The following SYNPR variants were observed in gnomAD, a reference collection of about 807,000 sequenced individuals.
SYNPR encodes the protein synaptoporin.
In SYNPR, 23 loss-of-function variants were observed where a neutral mutation model predicts 32.9. That is an observed-to-expected ratio of 0.70 (90% CI 0.50 to 0.99). The LOEUF (loss-of-function observed/expected upper bound fraction) is 0.99, where lower values mean the gene tolerates loss of function less well. SYNPR is among the 50% of genes least tolerant of loss of function. The pLI, the probability that SYNPR is intolerant of heterozygous loss-of-function variation, is 0.00. For missense variants in SYNPR, 318 were observed against 349.3 expected, an observed-to-expected ratio of 0.91 and a Z score of 0.71; for synonymous variants, 146 against 135.9, an observed-to-expected ratio of 1.07 and a Z score of -0.52.
At chr3:63,332,767 G>A (rs993311834) in intron 2 of SYNPR, among the ~76,000 whole-genome samples, 6 of 152,116 alleles carry the variant, frequency 3.9e-5, no homozygotes, top group East Asian at 1.9e-4. Flanking sequence ...ATTTGGTGAC[G>A]CATCAAGGAT....
chr3:63,292,262 T>C (rs1028070972), intron 2 of SYNPR, among the ~76,000 whole-genome samples: 1 of 152,232 alleles, frequency 6.6e-6, no homozygotes, highest in African/African-American at 2.4e-5. Context: ...TTTGGGGATA[T>C]AATGTGATAT....
rs1443590843 is a variant in SYNPR at position 63,278,384 on chromosome 3, C to T, written c.-150C>T. On this transcript the variant is annotated 5_prime_UTR_variant, in exon 1 of 6. Transcript: ENST00000478300. Reference sequence around the variant, plus strand: ...AGAGCCCAGCGTTAGCGGGTGGGCTCCCCGAGGCCCCCTGCCCTCGCCGGG... The same window carrying T: ...AGAGCCCAGCGTTAGCGGGTGGGCTTCCCGAGGCCCCCTGCCCTCGCCGGG... The T allele has an allele frequency of 2.9e-6, 3 of 1,029,990 alleles. No homozygotes were observed. The highest frequency in any genetic ancestry group is 1.9e-5 in the South Asian group (1 of 53,386). The allele number at this position is 1,029,990 out of a possible 1,614,324, so 63.8% of individuals were successfully genotyped here.
At chr3:63,372,408 G>A (rs2087827632) in intron 2 of SYNPR, among the ~76,000 whole-genome samples, 1 of 152,112 alleles carries the variant, frequency 6.6e-6, no homozygotes, top group Non-Finnish European at 1.5e-5. Context: ...CTCTGCCACT[G>A]CCACTGCAGC....
At chr3:63,297,699 C>A (rs1352175800) in intron 2 of SYNPR, among the ~76,000 whole-genome samples, 1 of 152,078 alleles carries the variant, frequency 6.6e-6, no homozygotes, top group African/African-American at 2.4e-5. Flanking sequence ...TCCTCAAGCA[C>A]TCAAAGGCTA....
chr3:63,473,234 C>G (rs554070129), intron 2 of SYNPR, among the ~76,000 whole-genome samples: 11 of 152,116 alleles, frequency 7.2e-5, no homozygotes, highest in Non-Finnish European at 1.5e-4. Flanking sequence ...ACAGCTATGT[C>G]CCCCTTCCCT....
intron 2 of SYNPR, among the ~76,000 whole-genome samples, chr3:63,457,879 A>T (rs1441695849): frequency 1.3e-5 from 2 of 152,134 alleles, no homozygotes; most frequent in Non-Finnish European, 2.9e-5. Context: ...GATGCTTTGG[A>T]TATTACTGAT....
At chr3:63,282,363 AATGAAT>A (rs1279318478) in intron 2 of SYNPR, among the ~76,000 whole-genome samples, 1 of 152,220 alleles carries the variant, frequency 6.6e-6, no homozygotes, top group Admixed American at 6.5e-5. Context: ...ACTGGATCTA[AATGAAT>A]ATGAAGTTCC....
the SYNPR span, among the ~76,000 whole-genome samples, chr3:63,220,636 C>T: frequency 6.6e-6 from 1 of 152,176 alleles, no homozygotes; most frequent in Non-Finnish European, 1.5e-5. Context: ...TTCTTCACTC[C>T]AGCAGATGCA....
intron 3 of SYNPR, among the ~76,000 whole-genome samples, chr3:63,272,576 A>G (rs2086545836): frequency 6.6e-6 from 1 of 150,402 alleles, no homozygotes; most frequent in Non-Finnish European, 1.5e-5. Context: ...TGAAAGTAAC[A>G]CTTGTTTTAT....
At position 63,341,360 on chromosome 3, in the gene SYNPR, G is replaced by C. The variant is rs997517229; in HGVS notation, c.84+62618G>C. Among the ~76,000 whole-genome samples, 4 of 152,140 alleles carry C rather than the reference G, an allele frequency of 2.6e-5. No individual in the cohort carries two copies. The East Asian group carries it at 7.7e-4, about 29-fold the overall frequency. On this transcript the variant is annotated intron_variant, in intron 2 of 5. Coordinates refer to ENST00000478300, the MANE Select transcript of SYNPR (RefSeq NM_001130003.2). ...GTGGACATAGTTTTCAACTCATTTAGGTAAACACATAGGGGTACAATTGCT... is the reference window on the plus strand; with the variant it reads ...GTGGACATAGTTTTCAACTCATTTACGTAAACACATAGGGGTACAATTGCT...
rs755249933 is a variant in SYNPR, at chr3:63,245,735, GTGTGTA to G, written n.67-6758_67-6753del. 4.4e-3 allele frequency among the ~76,000 whole-genome samples: 414 copies of G among 93,360 alleles called. 2 individuals carry two copies. Among genetic ancestry groups the G allele is most frequent in the African/African-American group, 9.0e-3 (219 of 24,436 alleles). The allele number at this position is 93,360 out of a possible 152,430, so 61.2% of individuals were successfully genotyped here. A position where few individuals can be genotyped will look rare whatever the true frequency, so the allele number is the denominator to read the frequency against. ...AGTGTGTGTGTGTGTGTGTGTGTGTGTGTGTATGTGTGTGTGTGTGTGTGTGTGTGT... is the reference window on the plus strand; with the variant it reads ...AGTGTGTGTGTGTGTGTGTGTGTGTGTGTGTGTGTGTGTGTGTGTGTGTGT... On this transcript the variant is annotated intron_variant and non_coding_transcript_variant, in intron 1 of 4. Transcript: ENST00000478456.
intron 3 of SYNPR, among the ~76,000 whole-genome samples, chr3:63,481,449 A>ATGTGTG (rs200642486): frequency 0.13 from 19,685 of 147,634 alleles, 1,284 homozygotes; most frequent in South Asian, 0.16. Context: ...ATATATATAT[A>ATGTGTG]TATGTGTGTG....
intron 2 of SYNPR, among the ~76,000 whole-genome samples, chr3:63,401,618 C>T (rs977518876): frequency 6.6e-6 from 1 of 152,002 alleles, no homozygotes; most frequent in African/African-American, 2.4e-5. Context: ...TTTTTAGAGT[C>T]GTGTGTCTAG....
At chr3:63,541,910 C>T (rs576841244) in intron 3 of SYNPR, among the ~76,000 whole-genome samples, 6 of 152,122 alleles carry the variant, frequency 3.9e-5, no homozygotes, top group South Asian at 4.1e-4. Flanking sequence ...AATAGAGGCA[C>T]GAGGTAGCAG....
chr3:63,499,463 G>A (rs1391790432), intron 3 of SYNPR, among the ~76,000 whole-genome samples: 1 of 152,106 alleles, frequency 6.6e-6, no homozygotes, highest in African/African-American at 2.4e-5. Flanking sequence ...AGAGAGAGTA[G>A]GAACAAAGGA....
intron 2 of SYNPR, among the ~76,000 whole-genome samples, chr3:63,368,209 T>G (rs1425430828): frequency 1.3e-5 from 2 of 152,214 alleles, no homozygotes; most frequent in Non-Finnish European, 2.9e-5. Flanking sequence ...TATGCACGTT[T>G]CATTCACAGA....
chr3:63,516,810 G>A (rs191085804), intron 3 of SYNPR, among the ~76,000 whole-genome samples: 232 of 152,016 alleles, frequency 1.5e-3, no homozygotes, highest in African/African-American at 5.5e-3. Flanking sequence ...ATATGCATTC[G>A]CCTATCCAAG....
At position 63,591,212 on chromosome 3, in the gene SYNPR, A is replaced by G. The variant is rs1323057176; in HGVS notation, c.409-17913A>G. On this transcript the variant is annotated intron_variant, in intron 4 of 5. Coordinates refer to ENST00000478300, the MANE Select transcript of SYNPR (RefSeq NM_001130003.2). The stretch of plus-strand genomic sequence containing the variant: ...CCAAAAAACACATGAAAAAATGCTC[A>G]TCATCACTGGCCATCAGAGAAATGC... Among the ~76,000 whole-genome samples the G allele has an allele frequency of 4.9e-5, 7 of 143,530 alleles. No individual in the cohort carries two copies. In the South Asian group the frequency reaches 9.7e-4, roughly 20 times the overall value. The allele number at this position is 143,530 out of a possible 152,430, so 94.2% of individuals were successfully genotyped here. A position where few individuals can be genotyped will look rare whatever the true frequency, so the allele number is the denominator to read the frequency against.
chr3:63,409,124 C>A (rs1178471965), intron 2 of SYNPR, among the ~76,000 whole-genome samples: 4 of 152,120 alleles, frequency 2.6e-5, no homozygotes, highest in African/African-American at 9.7e-5. Context: ...AACCCTATAT[C>A]ATTTGTTCAT....
Sources: allele counts gnomAD v4.1 joint callset (sites outside exome capture counted in the v4.1 genomes callset), GRCh38; gene constraint gnomAD v4.1.1; transcripts MANE v1.5; gene names NCBI Gene and HGNC (gene_info 2026-07-23, HGNC 2026-07-21).